Variants in IL31RA observed in about 807,000 individuals in gnomAD.
IL31RA encodes the protein interleukin 31 receptor A.
A neutral mutation model predicts 83.7 loss-of-function variants in IL31RA; 66 were observed. That is an observed-to-expected ratio of 0.79 (90% CI 0.65 to 0.97). The LOEUF (loss-of-function observed/expected upper bound fraction) is 0.97, where lower values mean the gene tolerates loss of function less well. IL31RA is among the 50% of genes least tolerant of loss of function. The probability of loss-of-function intolerance (pLI) is 0.00; values close to 1 mark genes in which losing one functional copy is unlikely to be tolerated. For missense variants in IL31RA, 798 were observed against 919.4 expected (o/e 0.87, Z 1.71); for synonymous variants, 325 against 329.0 (o/e 0.99, Z 0.13).
In IL31RA at chr5:55,852,521, C is replaced by T. The variant is rs1030811635; in HGVS notation, c.63+888C>T. On this transcript the variant is annotated intron_variant, in intron 1 of 14. Coordinates refer to ENST00000652347, the MANE Select transcript of IL31RA (RefSeq NM_139017.7). Reference sequence around the variant, plus strand: ...TAATCTTCTAGGTAAAAGACTAGCTCTCTTTCTCACCCTTATTCCTCCTAC... The same window carrying T: ...TAATCTTCTAGGTAAAAGACTAGCTTTCTTTCTCACCCTTATTCCTCCTAC... Among the ~76,000 whole-genome samples the T allele has an allele frequency of 7.2e-5, 11 of 152,268 alleles. No individual in the cohort carries two copies. The East Asian group carries it at 1.2e-3, about 16-fold the overall frequency.
At chr5:55,897,334 C>T (rs927507978) in intron 7 of IL31RA, among the ~76,000 whole-genome samples, 2 of 151,746 alleles carry the variant, frequency 1.3e-5, no homozygotes, top group South Asian at 2.1e-4. Context: ...GCATGACAGA[C>T]GCTGGTCCCC....
At chr5:55,880,702 G>A (rs986190028) in intron 4 of IL31RA, among the ~76,000 whole-genome samples, 55 of 152,138 alleles carry the variant, frequency 3.6e-4, no homozygotes, top group African/African-American at 1.1e-3. Flanking sequence ...AACCACCAGA[G>A]ATGTAAAGGA....
At chr5:55,912,857 A>G (rs1580746196) in intron 12 of IL31RA, among the ~76,000 whole-genome samples, 1 of 152,040 alleles carries the variant, frequency 6.6e-6, no homozygotes, top group South Asian at 2.1e-4. Flanking sequence ...AGTCCTAGGT[A>G]CTTGGGAGGC....
At chr5:55,875,329 G>A (rs1425992426) in intron 4 of IL31RA, among the ~76,000 whole-genome samples, 2 of 152,026 alleles carry the variant, frequency 1.3e-5, no homozygotes, top group African/African-American at 4.8e-5. Context: ...TAGCTTTCTT[G>A]TGATATCTTT....
At position 55,908,692 on chromosome 5, in the gene IL31RA, G is replaced by A. The variant is rs145254134; in HGVS notation, c.1501+281G>A. 1,109 of 1,477,132 alleles carry A rather than the reference G, an allele frequency of 7.5e-4. 6 individuals carry two copies. In the Middle Eastern group the frequency reaches 0.012, roughly 16 times the overall value. 91.5% of individuals were successfully genotyped at this position (1,477,132 alleles called of 1,614,324 possible). A position where few individuals can be genotyped will look rare whatever the true frequency, so the allele number is the denominator to read the frequency against. On this transcript the variant is annotated intron_variant, in intron 11 of 14. Transcript: ENST00000652347. ...TGGTTAGGCCCTGAATTGACCTCCC[G>A]GGAGCTCCCCGACCATCATTCCCAG...
chr5:55,897,015 A>ATATATATATATATATATATATT (rs1413221761), intron 7 of IL31RA, among the ~76,000 whole-genome samples: 1 of 844 alleles, frequency 1.2e-3, no homozygotes, highest in African/African-American at 0.011. Context: ...ATATATATAT[A>ATATATATATATATATATATATT]TTTTTTTTTT....
intron 4 of IL31RA, among the ~76,000 whole-genome samples, chr5:55,877,310 C>T (rs1746917439): frequency 1.3e-5 from 2 of 152,118 alleles, no homozygotes; most frequent in Non-Finnish European, 1.5e-5. Context: ...CCACTGTATA[C>T]CATAAAGCTA....
At position 55,864,398 on chromosome 5, in the gene IL31RA, C is replaced by G. The variant is rs969941892; in HGVS notation, c.155-4393C>G. 5.5e-5 allele frequency among the ~76,000 whole-genome samples: 8 copies of G among 146,612 alleles called. No homozygotes were observed. The Admixed American group carries it at 5.5e-4, about 10-fold the overall frequency. ...ACACCACACATATACATCACACACA[C>G]CACGCACACACCACAAACATACCAC... On this transcript the variant is annotated intron_variant, in intron 2 of 14. Transcript: ENST00000652347.
chr5:55,880,245 G>A (rs1747120203), intron 4 of IL31RA, among the ~76,000 whole-genome samples: 1 of 152,086 alleles, frequency 6.6e-6, no homozygotes, highest in Non-Finnish European at 1.5e-5. Flanking sequence ...CTTTAGTCCA[G>A]GCATCAGTAC....
At chr5:55,861,554 A>G (rs563331435) in intron 2 of IL31RA, among the ~76,000 whole-genome samples, 1 of 152,348 alleles carries the variant, frequency 6.6e-6, no homozygotes, top group East Asian at 1.9e-4. Context: ...CCCCAGGTCC[A>G]TGGAAAAATT....
chr5:55,891,361 C>A (rs1006953696), intron 6 of IL31RA, among the ~76,000 whole-genome samples: 1 of 152,216 alleles, frequency 6.6e-6, no homozygotes, highest in Non-Finnish European at 1.5e-5. Context: ...TGGCTTAATG[C>A]AACACTAATG....
At chr5:55,912,873 C>T (rs1247536999) in intron 12 of IL31RA, among the ~76,000 whole-genome samples, 1 of 151,830 alleles carries the variant, frequency 6.6e-6, no homozygotes, top group African/African-American at 2.4e-5. Context: ...GAGGCTGAGG[C>T]AGGAGGTTGC....
chr5:55,871,313 C>A (rs1046783925), intron 3 of IL31RA, among the ~76,000 whole-genome samples: 2 of 152,160 alleles, frequency 1.3e-5, no homozygotes, highest in Admixed American at 6.5e-5. Context: ...TTCCATGATT[C>A]TATGTGTCTA....
intron 12 of IL31RA, among the ~76,000 whole-genome samples, chr5:55,911,940 T>C (rs1749522119): frequency 6.6e-6 from 1 of 152,240 alleles, no homozygotes; most frequent in Non-Finnish European, 1.5e-5. Flanking sequence ...ATGACATGTT[T>C]TTTTTACAGA....
intron 1 of IL31RA, chr5:55,852,080 T>G (rs1303061479): frequency 5.0e-6 from 1 of 198,946 alleles, no homozygotes; most frequent in Non-Finnish European, 1.0e-5. Flanking sequence ...TTACTAAGTA[T>G]TGGTTGAATA....
chr5:55,860,367 A>G (rs201903853), intron 2 of IL31RA, among the ~76,000 whole-genome samples: 1 of 3,156 alleles, frequency 3.2e-4, no homozygotes, highest in African/African-American at 6.2e-4. Flanking sequence ...ACCTTGTCTC[A>G]AAAAAAAAAA....
rs56052025 is a variant in IL31RA at position 55,922,054 on chromosome 5, CG to C, written c.*4946del. 0.018 allele frequency among the ~76,000 whole-genome samples: 1,271 copies of C among 70,370 alleles called. 44 individuals are homozygous for C. The highest frequency in any genetic ancestry group is 0.082 in the East Asian group (185 of 2,266). The allele number at this position is 70,370 out of a possible 152,430, so 46.2% of individuals were successfully genotyped here. A position where few individuals can be genotyped will look rare whatever the true frequency, so the allele number is the denominator to read the frequency against. On this transcript the variant is annotated 3_prime_UTR_variant, in exon 15 of 15. Transcript: ENST00000652347. ...AGTGTCTTGCACTCTTATGTTGTGGCGGGGGGGGGGGGCGGTTCCTGAAGAG... is the reference window on the plus strand; with the variant it reads ...AGTGTCTTGCACTCTTATGTTGTGGCGGGGGGGGGGGCGGTTCCTGAAGAG...
intron 2 of IL31RA, among the ~76,000 whole-genome samples, chr5:55,867,093 GTGTGTTTGTGTGTGTGTGCA>G (rs1746106847): frequency 2.0e-5 from 2 of 100,612 alleles, no homozygotes; most frequent in African/African-American, 7.5e-5. Context: ...GTTTGTGTGT[GTGTGTTTGTGTGTGTGTGCA>G]TGTGTGTGTT....
At chr5:55,889,933 G>A (rs747187540) in intron 5 of IL31RA, 37 bp from the exon 6 acceptor site, 2 of 1,599,366 alleles carry the variant, frequency 1.3e-6, no homozygotes, top group East Asian at 2.2e-5. Flanking sequence ...ATAACGTGTG[G>A]TCTCCATTTC....
Sources: gnomAD v4.1 joint callset for allele counts (sites outside exome capture counted in the v4.1 genomes callset) on GRCh38, gnomAD v4.1.1 for gene constraint, MANE v1.5 for transcripts, NCBI Gene and HGNC (gene_info 2026-07-23, HGNC 2026-07-21) for gene names.